Variants in DACH1 observed in about 807,000 individuals in gnomAD.
The protein encoded by DACH1 is dachshund family transcription factor 1, also known as dachshund homolog 1.
DACH1 carries 12 observed loss-of-function variants against 54.2 expected under a neutral mutation model. The ratio of observed to expected loss-of-function variants is 0.22; its 90% CI spans 0.14 to 0.36. The LOEUF is 0.36. DACH1 is among the 10% of genes least tolerant of loss of function. The pLI is 1.00. For synonymous variants in DACH1, 386 were observed against 366.2 expected (o/e 1.05, Z -0.62); for missense variants, 805 against 929.8 (o/e 0.87, Z 1.75).
intron 3 of DACH1, among the ~76,000 whole-genome samples, chr13:71,602,626 A>G (rs1874579286): frequency 6.6e-6 from 1 of 152,044 alleles, no homozygotes; most frequent in Non-Finnish European, 1.5e-5. Flanking sequence ...AAAAGTCCTC[A>G]TGCTTAATGT....
At chr13:71,805,568 T>C (rs1212967523) in intron 1 of DACH1, among the ~76,000 whole-genome samples, 3 of 152,176 alleles carry the variant, frequency 2.0e-5, no homozygotes, top group Non-Finnish European at 4.4e-5. Flanking sequence ...GGTTTGTTTT[T>C]TGAGGAAAAC....
intron 6 of DACH1, among the ~76,000 whole-genome samples, chr13:71,539,800 T>C (rs1429202006): frequency 1.3e-5 from 2 of 152,160 alleles, no homozygotes; most frequent in East Asian, 3.9e-4. Flanking sequence ...TTGATCAATG[T>C]ATTTGTAAGA....
intron 2 of DACH1, among the ~76,000 whole-genome samples, chr13:71,656,745 T>A (rs965297488): frequency 1.5e-4 from 22 of 150,816 alleles, no homozygotes; most frequent in African/African-American, 5.1e-4. Context: ...ATAGTCAATC[T>A]GTACCATGGG....
rs144208384 is a variant in DACH1 at position 71,550,559 on chromosome 13, C to T, written c.1570+6465G>A. On this transcript the variant is annotated intron_variant, in intron 6 of 10. Transcript: ENST00000613252. ...TATAGTCTATATTTTATACCAATTG[C>T]CCATCATTTACAGGGCTGTTATGAA... is the stretch of plus-strand genomic sequence containing the variant. Among the ~76,000 whole-genome samples the T allele has an allele frequency of 1.3e-3, 193 of 152,160 alleles. 1 individual carries two copies. In the East Asian group the frequency reaches 0.024, roughly 19 times the overall value.
At chr13:71,705,503 C>T (rs1882396109) in intron 1 of DACH1, among the ~76,000 whole-genome samples, 1 of 152,076 alleles carries the variant, frequency 6.6e-6, no homozygotes, top group Non-Finnish European at 1.5e-5. Flanking sequence ...ATTTAGAACT[C>T]ATCATTAAAA....
chr13:71,468,752 A>G (rs1023272842), intron 10 of DACH1, among the ~76,000 whole-genome samples: 3 of 152,214 alleles, frequency 2.0e-5, no homozygotes, highest in African/African-American at 7.2e-5. Context: ...AATTCATTAC[A>G]TGTTAAGTTG....
intron 1 of DACH1, among the ~76,000 whole-genome samples, chr13:71,833,196 C>T (rs1230758018): frequency 6.6e-6 from 1 of 151,830 alleles, no homozygotes; most frequent in African/African-American, 2.4e-5. Flanking sequence ...ATTAGGGATG[C>T]TCAGTGAGAA....
intron 2 of DACH1, among the ~76,000 whole-genome samples, chr13:71,659,113 A>T (rs1002570025): frequency 1.3e-5 from 2 of 152,186 alleles, no homozygotes; most frequent in Non-Finnish European, 2.9e-5. Context: ...AAAACAAAGT[A>T]CACATTTAGA....
At chr13:71,790,365 C>A (rs2138092250) in intron 1 of DACH1, among the ~76,000 whole-genome samples, 1 of 152,236 alleles carries the variant, frequency 6.6e-6, no homozygotes, top group South Asian at 2.1e-4. Context: ...GGAACCAATT[C>A]TAAAATGTCT....
chr13:71,547,685 T>C (rs896079130), intron 6 of DACH1, among the ~76,000 whole-genome samples: 5 of 152,126 alleles, frequency 3.3e-5, no homozygotes, highest in Non-Finnish European at 7.4e-5. Context: ...GGGCAATATC[T>C]CCTTTAAAAT....
At chr13:71,500,980 T>C (rs1593795278) in intron 6 of DACH1, among the ~76,000 whole-genome samples, 1 of 152,226 alleles carries the variant, frequency 6.6e-6, no homozygotes, top group Middle Eastern at 3.4e-3. Context: ...TTCTACGAAC[T>C]TCAAGTCTTT....
At chr13:71,530,160 T>C (rs1882317635) in intron 6 of DACH1, among the ~76,000 whole-genome samples, 1 of 152,152 alleles carries the variant, frequency 6.6e-6, no homozygotes. Flanking sequence ...AAATATGTAA[T>C]GCTTTGTGGA....
chr13:71,779,207 G>GA (rs1886232455), intron 1 of DACH1, among the ~76,000 whole-genome samples: 1 of 104,576 alleles, frequency 9.6e-6, no homozygotes, highest in Admixed American at 9.0e-5. Flanking sequence ...GTATATATGT[G>GA]TATATATATA....
At chr13:71,761,572 A>T (rs1237672973) in intron 1 of DACH1, among the ~76,000 whole-genome samples, 2 of 152,168 alleles carry the variant, frequency 1.3e-5, no homozygotes, top group Non-Finnish European at 2.9e-5. Context: ...AGCCTTTAAA[A>T]ATATCACCTG....
At chr13:71,769,657 C>T (rs1885773551) in intron 1 of DACH1, among the ~76,000 whole-genome samples, 1 of 151,548 alleles carries the variant, frequency 6.6e-6, no homozygotes, top group African/African-American at 2.4e-5. Context: ...GATTTTAAAA[C>T]CATTGTGAAA....
chr13:71,546,675 T>A (rs1316681994), intron 6 of DACH1, among the ~76,000 whole-genome samples: 1 of 151,850 alleles, frequency 6.6e-6, no homozygotes, highest in Non-Finnish European at 1.5e-5. Context: ...GCTATAAAGA[T>A]TAAATAAGAA....
At chr13:71,788,486 A>C (rs1187169383) in intron 1 of DACH1, among the ~76,000 whole-genome samples, 1 of 152,106 alleles carries the variant, frequency 6.6e-6, no homozygotes, top group South Asian at 2.1e-4. Flanking sequence ...CAAATAATTT[A>C]ATATTGTGAT....
At chr13:71,732,482 G>A (rs980990722) in intron 1 of DACH1, among the ~76,000 whole-genome samples, 1 of 151,778 alleles carries the variant, frequency 6.6e-6, no homozygotes, top group African/African-American at 2.4e-5. Flanking sequence ...CTACTTGGGA[G>A]GCTGAGACAG....
chr13:71,465,814 A>G (rs1876516841), intron 10 of DACH1, among the ~76,000 whole-genome samples: 1 of 152,180 alleles, frequency 6.6e-6, no homozygotes, highest in African/African-American at 2.4e-5. Context: ...TCATAGTAGT[A>G]AAAAGTATCA....
Sources: allele counts gnomAD v4.1 joint callset (sites outside exome capture counted in the v4.1 genomes callset), GRCh38; gene constraint gnomAD v4.1.1; transcripts MANE v1.5; gene names NCBI Gene and HGNC (gene_info 2026-07-23, HGNC 2026-07-21).